ZNF804B: variants seen among roughly 807,000 people sequenced by gnomAD.
ZNF804B encodes the protein zinc finger protein 804B.
In ZNF804B, 80 loss-of-function variants were observed where a neutral mutation model predicts 101.4. That is an observed-to-expected ratio of 0.79 (90% CI 0.66 to 0.95). ZNF804B has a LOEUF of 0.95. ZNF804B is among the 40% of genes least tolerant of loss of function. The pLI is 0.00. For missense variants in ZNF804B, 1,673 were observed against 1,561.9 expected (o/e 1.07, Z -1.20); for synonymous variants, 622 against 558.8 (o/e 1.11, Z -1.59).
chr7:89,100,001 G>A (rs1021340913), intron 1 of ZNF804B, among the ~76,000 whole-genome samples: 2 of 152,162 alleles, frequency 1.3e-5, no homozygotes, highest in Non-Finnish European at 2.9e-5. Flanking sequence ...CTAGAACCTA[G>A]GTAGAGGTTA....
In ZNF804B at chr7:89,254,459, C is replaced by T. The variant is rs36007483; in HGVS notation, c.249+36164C>T. On this transcript the variant is annotated intron_variant, in intron 2 of 3. Coordinates refer to ENST00000333190, the MANE Select transcript of ZNF804B (RefSeq NM_181646.5). The stretch of plus-strand genomic sequence containing the variant: ...TTTATGGAAGGATATTAAAGAATAC[C>T]TAAATTAAAAAAAAAACCCACAACA... Among the ~76,000 whole-genome samples, 89 of 150,014 alleles carry T rather than the reference C, an allele frequency of 5.9e-4. 1 individual carries two copies. The highest frequency in any genetic ancestry group is 2.0e-3 in the African/African-American group (84 of 41,054).
intron 1 of ZNF804B, among the ~76,000 whole-genome samples, chr7:88,979,534 G>A (rs545849282): frequency 2.6e-5 from 4 of 151,728 alleles, no homozygotes; most frequent in African/African-American, 9.7e-5. Context: ...CCACAGAAAA[G>A]CCTGCTGACA....
At chr7:88,768,961 G>A (rs1043422746) in intron 1 of ZNF804B, among the ~76,000 whole-genome samples, 2 of 152,068 alleles carry the variant, frequency 1.3e-5, no homozygotes, top group African/African-American at 4.8e-5. Flanking sequence ...TTCACAGTGG[G>A]AAACAATGGT....
chr7:89,055,710 C>T (rs1789281002), intron 1 of ZNF804B, among the ~76,000 whole-genome samples: 1 of 152,036 alleles, frequency 6.6e-6, no homozygotes, highest in Admixed American at 6.6e-5. Flanking sequence ...ATTCCATGGT[C>T]CTTTGCATTT....
At chr7:88,961,340 TCTTTAACGTGGTTGTTTGC>T (rs1562844527) in intron 1 of ZNF804B, among the ~76,000 whole-genome samples, 27 of 151,344 alleles carry the variant, frequency 1.8e-4, no homozygotes, top group African/African-American at 5.3e-4. Context: ...CATTCACTAA[TCTTTAACGTGGTTGTTTGC>T]TGGTGTTCTC....
At chr7:89,322,104 A>G (rs1054410190) in intron 2 of ZNF804B, among the ~76,000 whole-genome samples, 3 of 152,324 alleles carry the variant, frequency 2.0e-5, no homozygotes, top group Admixed American at 6.5e-5. Context: ...ACCAATCACA[A>G]AATGTAAGTG....
intron 2 of ZNF804B, among the ~76,000 whole-genome samples, chr7:89,240,672 T>C (rs117419587): frequency 0.015 from 2,292 of 152,166 alleles, 26 homozygotes; most frequent in Non-Finnish European, 0.021. Context: ...CTTCTTTACC[T>C]TGCATTTTTT....
intron 2 of ZNF804B, among the ~76,000 whole-genome samples, chr7:89,277,675 G>T (rs1019391310): frequency 6.6e-6 from 1 of 151,426 alleles, no homozygotes; most frequent in Non-Finnish European, 1.5e-5. Flanking sequence ...CAAAGGACAT[G>T]AACTCATCAT....
chr7:88,809,506 A>G (rs1021895565), intron 1 of ZNF804B, among the ~76,000 whole-genome samples: 1 of 152,166 alleles, frequency 6.6e-6, no homozygotes, highest in African/African-American at 2.4e-5. Context: ...AGGATTTTTA[A>G]AAATTGGGCC....
At chr7:88,991,023 T>G (rs1199900661) in intron 1 of ZNF804B, among the ~76,000 whole-genome samples, 1 of 152,132 alleles carries the variant, frequency 6.6e-6, no homozygotes, top group African/African-American at 2.4e-5. Flanking sequence ...GTATCACCAG[T>G]CATTGATCTT....
chr7:89,041,498 C>T (rs545539980), intron 1 of ZNF804B, among the ~76,000 whole-genome samples: 22 of 152,226 alleles, frequency 1.4e-4, no homozygotes, highest in African/African-American at 4.6e-4. Context: ...GCTGACCTGG[C>T]ACTGGAGTGT....
intron 1 of ZNF804B, among the ~76,000 whole-genome samples, chr7:88,861,069 T>G (rs1310546570): frequency 6.6e-6 from 1 of 152,176 alleles, no homozygotes; most frequent in Non-Finnish European, 1.5e-5. Flanking sequence ...TCATCTACAG[T>G]TTCTTTTCCT....
At chr7:89,017,266 G>T (rs538318904) in intron 1 of ZNF804B, among the ~76,000 whole-genome samples, 1 of 152,086 alleles carries the variant, frequency 6.6e-6, no homozygotes, top group Non-Finnish European at 1.5e-5. Flanking sequence ...TAGATATACA[G>T]TCATGTCATC....
chr7:88,903,109 C>T (rs912579861), intron 1 of ZNF804B, among the ~76,000 whole-genome samples: 2 of 150,426 alleles, frequency 1.3e-5, no homozygotes, highest in Middle Eastern at 3.2e-3. Context: ...CTTCCTCCCC[C>T]CTCTAATAGT....
intron 1 of ZNF804B, among the ~76,000 whole-genome samples, chr7:88,805,711 A>G (rs1408213837): frequency 1.3e-5 from 2 of 152,206 alleles, no homozygotes; most frequent in Non-Finnish European, 2.9e-5. Context: ...CTGGGGGTCT[A>G]GAGTAAGAAT....
At chr7:89,141,617 AC>A (rs1378400598) in intron 1 of ZNF804B, among the ~76,000 whole-genome samples, 1 of 151,852 alleles carries the variant, frequency 6.6e-6, no homozygotes, top group African/African-American at 2.4e-5. Flanking sequence ...TCTATGTTTA[AC>A]TTTTTTGAGG....
intron 1 of ZNF804B, among the ~76,000 whole-genome samples, chr7:88,953,318 T>G (rs539924122): frequency 6.6e-6 from 1 of 151,902 alleles, no homozygotes; most frequent in Non-Finnish European, 1.5e-5. Flanking sequence ...TAACATAATC[T>G]GGAATGTCCA....
chr7:89,066,079 C>T (rs1281692537), intron 1 of ZNF804B, among the ~76,000 whole-genome samples: 2 of 152,076 alleles, frequency 1.3e-5, no homozygotes, highest in Non-Finnish European at 2.9e-5. Context: ...TTAAAATGGC[C>T]ATCCCTAATA....
intron 1 of ZNF804B, among the ~76,000 whole-genome samples, chr7:88,896,852 ATTTGAAAGGGTATGC>A (rs1171847583): frequency 1.3e-5 from 2 of 152,206 alleles, no homozygotes; most frequent in African/African-American, 4.8e-5. Flanking sequence ...TTGGCAGGGC[ATTTGAAAGGGTATGC>A]TTTGAGAATT....
Sources: allele counts gnomAD v4.1 joint callset (sites outside exome capture counted in the v4.1 genomes callset), GRCh38; gene constraint gnomAD v4.1.1; transcripts MANE v1.5; gene names NCBI Gene and HGNC (gene_info 2026-07-23, HGNC 2026-07-21).